MFSD2A: variants seen among roughly 807,000 people sequenced by gnomAD.
MFSD2A encodes sodium-dependent lysophosphatidylcholine symporter 1.
A neutral mutation model predicts 64.7 loss-of-function variants in MFSD2A; 27 were observed. The observed-to-expected ratio is 0.42, with a 90% CI of 0.31 to 0.58. The LOEUF (loss-of-function observed/expected upper bound fraction) is 0.58. Ranked by LOEUF, MFSD2A falls within the 20% of genes least tolerant of loss-of-function variation. MFSD2A has a pLI of 0.18. For synonymous variants in MFSD2A, 258 were observed against 273.4 expected, an observed-to-expected ratio of 0.94 and a Z score of 0.55; for missense variants, 474 against 679.5, an observed-to-expected ratio of 0.70 and a Z score of 3.36.
At chr1:39,967,985 G>C (rs1206439564) in intron 11 of MFSD2A, 69 bp downstream of exon 11, 28 of 998,516 alleles carry the variant, frequency 2.8e-5, no homozygotes, top group Non-Finnish European at 3.5e-5. Flanking sequence ...AGCTCCTTAG[G>C]GAGAGTTCTA....
rs978143554 is a variant in MFSD2A, at chr1:39,960,283, CT to C, written c.353+1460del. ...AGCCCATCCAGGCTTAAGTGGGCGCCTTCCTGCCCCAGGGGCGCCCATACCT... is the reference window on the plus strand; with the variant it reads ...AGCCCATCCAGGCTTAAGTGGGCGCCTCCTGCCCCAGGGGCGCCCATACCT... On this transcript the variant is annotated intron_variant, in intron 3 of 13. Transcript: ENST00000372811. This position sits in a 1 kb window ranked among gnomAD's most constrained non-coding sequence, Gnocchi z 4.8. 1.3e-5 allele frequency among the ~76,000 whole-genome samples: 2 copies of C among 152,214 alleles called. No homozygotes were observed. Among genetic ancestry groups the C allele is most frequent in the Non-Finnish European group, 2.9e-5 (2 of 68,024 alleles).
chr1:39,956,055 T>C (rs532709779), intron 1 of MFSD2A, among the ~76,000 whole-genome samples: 1 of 152,364 alleles, frequency 6.6e-6, no homozygotes, highest in South Asian at 2.1e-4. Context: ...TTTTATTAAC[T>C]GATCTTTGGA....
chr1:39,969,415 G>A, intron 13 of MFSD2A, 90 bp from the exon 14 acceptor site: 1 of 1,153,630 alleles, frequency 8.7e-7, no homozygotes, highest in South Asian at 1.4e-5. Context: ...CCGACAGCAG[G>A]GCCAAGATCA....
At position 39,965,384 on chromosome 1, in the gene MFSD2A, G is replaced by T; in HGVS notation, c.477+50G>T. The T allele has an allele frequency of 6.2e-7, 1 of 1,613,374 alleles. No individual in the cohort carries two copies. Among genetic ancestry groups the T allele is most frequent in the Non-Finnish European group, 8.5e-7 (1 of 1,179,654 alleles). The stretch of plus-strand genomic sequence containing the variant: ...TGTCTCTAGGGGCCGGGAGGAGGGC[G>T]GTCCTTGGGGCCCCCAGGGTTGGTA... On this transcript the variant is annotated intron_variant, in intron 4 of 13. Transcript: ENST00000372811. The surrounding 1 kb of genome is among the most constrained non-coding windows in gnomAD (Gnocchi z 5.5).
At position 39,965,244 on chromosome 1, in the gene MFSD2A, C is replaced by G. The variant is rs778584269; in HGVS notation, c.387C>G (p.Ala129=). The part of the protein sequence containing the change: ...IIFSTPLAVI[A]YFLIWFVPDF... The stretch of plus-strand genomic sequence containing the variant: ...TCTCCACGCCCCTGGCCGTCATTGC[C>G]TACTTCCTCATCTGGTTCGTGCCCG... Residue 129 remains alanine (A), a synonymous_variant, in exon 4 of 14, where the codon GCC becomes GCG. Transcript: ENST00000372811. This position sits in a 1 kb window ranked among gnomAD's most constrained non-coding sequence, Gnocchi z 5.5. The G allele has an allele frequency of 3.2e-5, 52 of 1,614,208 alleles. No homozygotes were observed. The highest frequency in any genetic ancestry group is 1.6e-4 in the Middle Eastern group (1 of 6,062).
Position 39,965,608 on chromosome 1 carries a change from C to A in MFSD2A, c.556+59C>A. The A allele has an allele frequency of 1.3e-6, 2 of 1,543,104 alleles. No individual in the cohort carries two copies. Among genetic ancestry groups the A allele is most frequent in the East Asian group, 2.2e-5 (1 of 44,554 alleles). The stretch of plus-strand genomic sequence containing the variant: ...CAGGGACCCTCCAGCCATACTTCTT[C>A]CCTTGCGGGTCCAGCTCTTTGCTCT... On this transcript the variant is annotated intron_variant, in intron 5 of 13. Coordinates refer to ENST00000372811, the MANE Select transcript of MFSD2A (RefSeq NM_032793.5). The surrounding 1 kb of genome is among the most constrained non-coding windows in gnomAD (Gnocchi z 5.5).
At position 39,967,861 on chromosome 1, in the gene MFSD2A, T is replaced by C. The variant is rs755944845; in HGVS notation, c.1153T>C (p.Tyr385His). The C allele has an allele frequency of 3.7e-6, 6 of 1,613,996 alleles. No homozygotes were observed. In the Admixed American group the frequency reaches 1.0e-4, roughly 27 times the overall value. Residue 385 changes from tyrosine to histidine, a missense_variant, in exon 11 of 14, where the codon TAT (tyrosine) becomes CAT (histidine). Coordinates refer to ENST00000372811, the MANE Select transcript of MFSD2A (RefSeq NM_032793.5). The part of the protein sequence containing the change: ...ALMESNLIIT[Y>H]AVAVAAGISV... Reference sequence around the variant, plus strand: ...CATGGAGAGTAACCTCATCATTACATATGCGGTAGCTGTGGCAGCTGGCAT... The same window carrying C: ...CATGGAGAGTAACCTCATCATTACACATGCGGTAGCTGTGGCAGCTGGCAT...
In MFSD2A at chr1:39,958,574, TG is replaced by T. The variant is rs574841059; in HGVS notation, c.229-126del. 5.9e-4 allele frequency: 844 copies of T among 1,434,222 alleles called. 2 individuals are homozygous for T. Among genetic ancestry groups the T allele is most frequent in the Non-Finnish European group, 7.7e-4 (790 of 1,021,358 alleles). The allele number at this position is 1,434,222 out of a possible 1,614,324, so 88.8% of individuals were successfully genotyped here. On this transcript the variant is annotated intron_variant, in intron 2 of 13. Transcript: ENST00000372811. The surrounding 1 kb of genome is among the most constrained non-coding windows in gnomAD (Gnocchi z 4.7). Reference sequence around the variant, plus strand: ...GGCAAGTGAAGATGTGTAAGGTCCATGTGGGAGCAGCTCAGGGTCACAAGAT... The same window carrying T: ...GGCAAGTGAAGATGTGTAAGGTCCATTGGGAGCAGCTCAGGGTCACAAGAT...
At position 39,958,963 on chromosome 1, in the gene MFSD2A, CCA is replaced by C; in HGVS notation, c.353+139_353+140del. On this transcript the variant is annotated intron_variant, in intron 3 of 13. Coordinates refer to ENST00000372811, the MANE Select transcript of MFSD2A (RefSeq NM_032793.5). This position sits in a 1 kb window ranked among gnomAD's most constrained non-coding sequence, Gnocchi z 4.7. ...TTAAAAGCCCAAGGGTGTTGAAACC[CCA>C]TCCGAGGCATCAGCTACCCTGAGCA... 9.8e-7 allele frequency: 1 copy of C among 1,022,700 alleles called. No homozygotes were observed. The highest frequency in any genetic ancestry group is 1.4e-6 in the Non-Finnish European group (1 of 706,186). The allele number at this position is 1,022,700 out of a possible 1,614,324, so 63.4% of individuals were successfully genotyped here.
rs369589657 is a variant in MFSD2A, at chr1:39,955,258, G to C, written c.-35G>C. ...GGCCTGCGGGGCAGAGGAGCATCCC[G>C]TCTACCAGGTCCCAAGCGGCGTGGC... is the stretch of plus-strand genomic sequence containing the variant. On this transcript the variant is annotated 5_prime_UTR_variant, in exon 1 of 14. Coordinates refer to ENST00000372811, the MANE Select transcript of MFSD2A (RefSeq NM_032793.5). This position sits in a 1 kb window ranked among gnomAD's most constrained non-coding sequence, Gnocchi z 5.9. 1 of 1,379,392 alleles carries C rather than the reference G, an allele frequency of 7.2e-7. No homozygotes were observed. The highest frequency in any genetic ancestry group is 3.3e-5 in the Admixed American group (1 of 30,720). 85.4% of individuals were successfully genotyped at this position (1,379,392 alleles called of 1,614,324 possible).
intron 3 of MFSD2A, among the ~76,000 whole-genome samples, chr1:39,959,228 TTCTTTCTTTCTA>T (rs1644985817): frequency 6.6e-6 from 1 of 151,798 alleles, no homozygotes; most frequent in Non-Finnish European, 1.5e-5. Flanking sequence ...TTCTTTCTCT[TTCTTTCTTTCTA>T]TCTTTCTTTC....
Position 39,965,041 on chromosome 1 carries a change from A to G in MFSD2A, c.354-170A>G. ...CCCATCTGCCATTCCGGGCTTGGTC[A>G]TCAGCCTCTTCCCAGAGGCCCAGGA... On this transcript the variant is annotated intron_variant, in intron 3 of 13. Coordinates refer to ENST00000372811, the MANE Select transcript of MFSD2A (RefSeq NM_032793.5). The surrounding 1 kb of genome is among the most constrained non-coding windows in gnomAD (Gnocchi z 5.5). 2 of 866,978 alleles carry G rather than the reference A, an allele frequency of 2.3e-6. No homozygotes were observed. Among genetic ancestry groups the G allele is most frequent in the South Asian group, 1.8e-5 (1 of 56,212 alleles). The allele number at this position is 866,978 out of a possible 1,614,324, so 53.7% of individuals were successfully genotyped here. A position where few individuals can be genotyped will look rare whatever the true frequency, so the allele number is the denominator to read the frequency against.
At position 39,958,413 on chromosome 1, in the gene MFSD2A, G is replaced by A. The variant is rs1043363002; in HGVS notation, c.229-288G>A. On this transcript the variant is annotated intron_variant, in intron 2 of 13. Transcript: ENST00000372811. The surrounding 1 kb of genome is among the most constrained non-coding windows in gnomAD (Gnocchi z 4.7). ...GAGAGAGGGAGGGAAGGAAATGTTT[G>A]TGGATTCATTTGAATTGATGGGAAT... Among the ~76,000 whole-genome samples the A allele has an allele frequency of 2.0e-5, 3 of 152,184 alleles. No homozygotes were observed. Among genetic ancestry groups the A allele is most frequent in the African/African-American group, 7.2e-5 (3 of 41,446 alleles).
At chr1:39,961,889 T>A (rs1263669912) in intron 3 of MFSD2A, among the ~76,000 whole-genome samples, 1 of 152,204 alleles carries the variant, frequency 6.6e-6, no homozygotes, top group Non-Finnish European at 1.5e-5. Context: ...TCAAGCAGGG[T>A]CCCATGGGGA....
intron 3 of MFSD2A, among the ~76,000 whole-genome samples, chr1:39,959,535 G>GA (rs1644991781): frequency 6.6e-6 from 1 of 152,104 alleles, no homozygotes; most frequent in Non-Finnish European, 1.5e-5. Flanking sequence ...TTACAGGTGT[G>GA]AGCCACCATG....
intron 9 of MFSD2A, 66 bp downstream of exon 9, chr1:39,967,235 TG>T: frequency 2.1e-6 from 3 of 1,401,162 alleles, no homozygotes; most frequent in Non-Finnish European, 3.0e-6. Context: ...GAATGGTTCT[TG>T]GAATAGGCAG....
rs1050458058 is a variant in MFSD2A, at chr1:39,965,746, A to C, written c.557-111A>C. ...AAACCAAGGTGTCACCTACCCCACT[A>C]CCTCTACCCACCCTGCCTGGAGCTA... On this transcript the variant is annotated intron_variant, in intron 5 of 13. Transcript: ENST00000372811. This position sits in a 1 kb window ranked among gnomAD's most constrained non-coding sequence, Gnocchi z 5.5. 1 of 1,416,498 alleles carries C rather than the reference A, an allele frequency of 7.1e-7. No individual in the cohort carries two copies. Among genetic ancestry groups the C allele is most frequent in the Admixed American group, 1.9e-5 (1 of 52,696 alleles). 87.7% of individuals were successfully genotyped at this position (1,416,498 alleles called of 1,614,324 possible).
At chr1:39,956,915 C>CAAAAA (rs34385828) in intron 1 of MFSD2A, among the ~76,000 whole-genome samples, 172 bp from the exon 2 acceptor site, 8 of 35,372 alleles carry the variant, frequency 2.3e-4, no homozygotes, top group Non-Finnish European at 2.7e-4. Context: ...GACTCTGTCT[C>CAAAAA]AAAAAAAAAA....
chr1:39,957,086 G>C lies in MFSD2A; in HGVS notation c.94-1G>C. 1 of 1,614,078 alleles carries C rather than the reference G, an allele frequency of 6.2e-7. No individual in the cohort carries two copies. Among genetic ancestry groups the C allele is most frequent in the Non-Finnish European group, 8.5e-7 (1 of 1,179,992 alleles). ...CTTTCATCTTTTCCTCCTCTTCCCA[G>C]AAAGAACCGAAAAAGAAGAAACAAC... On this transcript the variant is annotated splice_acceptor_variant, in intron 1 of 13. Coordinates refer to ENST00000372811, the MANE Select transcript of MFSD2A (RefSeq NM_032793.5). LOFTEE classifies it high-confidence loss of function.
Sources: allele counts gnomAD v4.1 joint callset (sites outside exome capture counted in the v4.1 genomes callset), GRCh38; gene constraint gnomAD v4.1.1; non-coding constraint Gnocchi (gnomAD v3.1); transcripts MANE v1.5; gene names NCBI Gene and HGNC (gene_info 2026-07-23, HGNC 2026-07-21).